The following AVEN variants were observed in gnomAD, a reference collection of about 807,000 sequenced individuals.
The protein encoded by AVEN is apoptosis and caspase activation inhibitor, also known as cell death regulator Aven.
AVEN carries 41 observed loss-of-function variants against 38.1 expected under a neutral mutation model. The ratio of observed to expected loss-of-function variants is 1.08; its 90% CI spans 0.84 to 1.40. AVEN has a LOEUF of 1.40. AVEN is among the 40% of genes most tolerant of loss of function. AVEN has a pLI of 0.00. For synonymous variants in AVEN, 206 were observed against 171.8 expected (o/e 1.20, Z -1.56); for missense variants, 605 against 438.8 (o/e 1.38, Z -3.38).
chr15:33,861,242 A>G (rs1366821494), downstream of AVEN: 88 of 1,196,380 alleles, frequency 7.4e-5, 1 homozygote, highest in East Asian at 2.2e-3. Context: ...ATTAGGTCAT[A>G]TAGTTCAGTC....
chr15:34,022,487 T>A (rs943268466), intron 1 of AVEN, among the ~76,000 whole-genome samples: 2 of 152,142 alleles, frequency 1.3e-5, no homozygotes, highest in Non-Finnish European at 2.9e-5. Context: ...AAGGTGGATT[T>A]TCTCAAAGCT....
At chr15:34,007,143 G>A (rs976580713) in intron 1 of AVEN, 36 of 686,856 alleles carry the variant, frequency 5.2e-5, no homozygotes, top group South Asian at 2.0e-4. Flanking sequence ...CTACTGCCGA[G>A]CTATTATCTT....
intron 1 of AVEN, among the ~76,000 whole-genome samples, chr15:34,030,327 T>C (rs999456631): frequency 6.6e-6 from 1 of 152,176 alleles, no homozygotes; most frequent in African/African-American, 2.4e-5. Flanking sequence ...TTTTTGAGAA[T>C]ACTAGGTTTT....
At chr15:33,889,659 G>A (rs1891851930) in intron 2 of AVEN, among the ~76,000 whole-genome samples, 1 of 151,988 alleles carries the variant, frequency 6.6e-6, no homozygotes, top group Admixed American at 6.6e-5. Flanking sequence ...TTTTAGTTTT[G>A]AAAAACAGTA....
chr15:33,973,903 T>C (rs1169543272), intron 2 of AVEN, among the ~76,000 whole-genome samples: 1 of 152,192 alleles, frequency 6.6e-6, no homozygotes, highest in Non-Finnish European at 1.5e-5. Flanking sequence ...GCCAGAAGAA[T>C]AGTGATCCTA....
intron 11 of AVEN, chr15:33,861,203 T>C (rs777092848): frequency 1.3e-6 from 2 of 1,517,920 alleles, no homozygotes; most frequent in Non-Finnish European, 1.8e-6. Context: ...TTAACAAAAG[T>C]AATGGCAGCT....
intron 2 of AVEN, among the ~76,000 whole-genome samples, chr15:33,886,436 G>A (rs1169515897): frequency 1.3e-5 from 2 of 152,144 alleles, no homozygotes; most frequent in African/African-American, 4.8e-5. Context: ...CCAAAGAGCT[G>A]GGACTACAGG....
chr15:33,912,180 A>C (rs561942963), intron 2 of AVEN, among the ~76,000 whole-genome samples: 4 of 152,174 alleles, frequency 2.6e-5, no homozygotes, highest in Non-Finnish European at 5.9e-5. Context: ...ATGTAACACT[A>C]TCTACTTCAT....
At chr15:33,895,809 C>G (rs1279159442) in intron 2 of AVEN, among the ~76,000 whole-genome samples, 1 of 152,136 alleles carries the variant, frequency 6.6e-6, no homozygotes, top group Non-Finnish European at 1.5e-5. Flanking sequence ...TTAGTTAAAC[C>G]TCTCTATAAC....
chr15:33,980,755 T>TCCTTGCTCTAA (rs1896102475), intron 2 of AVEN, among the ~76,000 whole-genome samples: 2 of 152,114 alleles, frequency 1.3e-5, no homozygotes, highest in African/African-American at 2.4e-5. Context: ...CTAAGCAGAG[T>TCCTTGCTCTAA]GTAGGCAAGG....
At chr15:33,950,924 T>C (rs773090083) in intron 2 of AVEN, among the ~76,000 whole-genome samples, 29 of 152,106 alleles carry the variant, frequency 1.9e-4, no homozygotes, top group Non-Finnish European at 4.0e-4. Flanking sequence ...GGAGGATCAC[T>C]TGAGCCCAGG....
intron 2 of AVEN, among the ~76,000 whole-genome samples, chr15:33,948,377 G>C (rs543897105): frequency 2.0e-5 from 3 of 151,408 alleles, no homozygotes; most frequent in Non-Finnish European, 4.4e-5. Context: ...TTACAGGCGT[G>C]AGCCACCACG....
intron 11 of AVEN, chr15:33,860,482 G>A: frequency 1.7e-6 from 1 of 581,964 alleles, no homozygotes; most frequent in Admixed American, 3.4e-5. Flanking sequence ...TTCTAATTTT[G>A]CTTTGATAAT....
chr15:34,039,400 G>A (rs188261893), upstream of AVEN, among the ~76,000 whole-genome samples: 7 of 65,524 alleles, frequency 1.1e-4, no homozygotes, highest in Non-Finnish European at 2.1e-4. Context: ...TTTGTATGAT[G>A]TGAACTCTCG....
At chr15:33,988,731 CAA>C (rs1327120266) in intron 2 of AVEN, among the ~76,000 whole-genome samples, 1 of 152,190 alleles carries the variant, frequency 6.6e-6, no homozygotes, top group East Asian at 1.9e-4. Flanking sequence ...AATTAAAAGA[CAA>C]GAGAACAGAA....
At chr15:33,985,561 G>A (rs1346644458) in intron 2 of AVEN, among the ~76,000 whole-genome samples, 1 of 151,922 alleles carries the variant, frequency 6.6e-6, no homozygotes, top group East Asian at 1.9e-4. Context: ...TCAGAGCCTT[G>A]CATTCTTGAC....
chr15:34,071,854 C>A (rs1900632777), intron 1 of AVEN, among the ~76,000 whole-genome samples: 1 of 152,118 alleles, frequency 6.6e-6, no homozygotes, highest in African/African-American at 2.4e-5. Context: ...CTTTCATACC[C>A]AAAAGATAGG....
intron 1 of AVEN, among the ~76,000 whole-genome samples, chr15:34,028,972 T>C (rs1010335118): frequency 1.3e-5 from 2 of 152,176 alleles, no homozygotes; most frequent in Non-Finnish European, 2.9e-5. Context: ...TATATCTTAG[T>C]TATTCATTTG....
intron 2 of AVEN, among the ~76,000 whole-genome samples, chr15:34,068,505 C>A (rs576009721): frequency 1.3e-5 from 2 of 152,134 alleles, no homozygotes; most frequent in South Asian, 4.2e-4. Context: ...CCGCGTCTGA[C>A]CTTAGAGTGT....
Sources: gnomAD v4.1 joint callset for allele counts (sites outside exome capture counted in the v4.1 genomes callset) on GRCh38, gnomAD v4.1.1 for gene constraint, MANE v1.5 for transcripts, NCBI Gene and HGNC (gene_info 2026-07-23, HGNC 2026-07-21) for gene names.